Variants in LAMA2 observed in about 807,000 individuals in gnomAD.
The protein encoded by LAMA2 is laminin subunit alpha 2.
Under a neutral mutation model 364.8 loss-of-function variants are expected in LAMA2, and 269 were observed. The observed-to-expected ratio is 0.74, with a 90% CI of 0.67 to 0.82. The LOEUF is 0.82. Among genes scored for constraint, LAMA2 ranks in the 40% least tolerant of loss-of-function variants. The probability of loss-of-function intolerance (pLI) is 0.00; values close to 1 mark genes in which losing one functional copy is unlikely to be tolerated. For missense variants in LAMA2, 3,807 were observed against 3,873.2 expected (o/e 0.98, Z 0.45); for synonymous variants, 1,379 against 1,370.6 (o/e 1.01, Z -0.14).
At chr6:129,476,086 A>G (rs988550) in intron 53 of LAMA2, among the ~76,000 whole-genome samples, 63,087 of 152,004 alleles carry the variant, frequency 0.42, 13,276 homozygotes, top group African/African-American at 0.46. Flanking sequence ...TTAGCATAAA[A>G]GCTGTGAGCA....
At chr6:128,937,900 T>A (rs1013056086) in intron 1 of LAMA2, among the ~76,000 whole-genome samples, 1 of 152,128 alleles carries the variant, frequency 6.6e-6, no homozygotes, top group Non-Finnish European at 1.5e-5. Flanking sequence ...TCTTTTTTTT[T>A]AATATAGGCA....
chr6:129,121,650 T>C (rs1236135654), intron 4 of LAMA2, among the ~76,000 whole-genome samples: 1 of 152,144 alleles, frequency 6.6e-6, no homozygotes, highest in Non-Finnish European at 1.5e-5. Context: ...AAAAATAAAG[T>C]CATCTTGTTA....
chr6:129,507,246 G>C (rs561540092), intron 61 of LAMA2, among the ~76,000 whole-genome samples: 190 of 152,182 alleles, frequency 1.2e-3, no homozygotes, highest in African/African-American at 4.5e-3. Flanking sequence ...GCAGTATTTA[G>C]ACTATGAGAA....
At chr6:129,128,292 A>C (rs1008241625) in intron 4 of LAMA2, among the ~76,000 whole-genome samples, 1 of 152,236 alleles carries the variant, frequency 6.6e-6, no homozygotes, top group Non-Finnish European at 1.5e-5. Context: ...ATCTTTGTCA[A>C]AAATAAATTG....
Position 129,445,665 on chromosome 6 carries a change from A to C in LAMA2, c.6275-2A>C. Reference sequence around the variant, plus strand: ...CATGCACACTAATTTTGTTCTATGCAGTTGCCGATGCAGATGCCACTGTCA... The same window carrying C: ...CATGCACACTAATTTTGTTCTATGCCGTTGCCGATGCAGATGCCACTGTCA... On this transcript the variant is annotated splice_acceptor_variant, in intron 44 of 64. Coordinates refer to ENST00000421865, the MANE Select transcript of LAMA2 (RefSeq NM_000426.4). LOFTEE classifies it high-confidence loss of function. The C allele has an allele frequency of 6.2e-7, 1 of 1,613,834 alleles. No individual in the cohort carries two copies. The highest frequency in any genetic ancestry group is 8.5e-7 in the Non-Finnish European group (1 of 1,179,760).
chr6:129,506,673 TACA>T (rs1562634040), intron 61 of LAMA2, among the ~76,000 whole-genome samples: 1 of 152,148 alleles, frequency 6.6e-6, no homozygotes, highest in Non-Finnish European at 1.5e-5. Flanking sequence ...ACACACTAGA[TACA>T]AATGTGATAC....
chr6:129,291,896 T>C (rs1345289441), intron 20 of LAMA2, among the ~76,000 whole-genome samples, 176 bp downstream of exon 20: 1 of 152,084 alleles, frequency 6.6e-6, no homozygotes, highest in Non-Finnish European at 1.5e-5. Flanking sequence ...CAAAATTCAT[T>C]GTACATTACC....
At chr6:129,412,533 T>C (rs1214938924) in intron 40 of LAMA2, among the ~76,000 whole-genome samples, 1 of 151,282 alleles carries the variant, frequency 6.6e-6, no homozygotes, top group Non-Finnish European at 1.5e-5. Flanking sequence ...GGGAGGAGAA[T>C]TTTCAATCAA....
intron 41 of LAMA2, among the ~76,000 whole-genome samples, chr6:129,428,487 C>T (rs1413441687): frequency 6.6e-6 from 1 of 152,164 alleles, no homozygotes; most frequent in Non-Finnish European, 1.5e-5. Context: ...TGAAGTCTCG[C>T]TCTGTCAACC....
intron 4 of LAMA2, among the ~76,000 whole-genome samples, chr6:129,129,281 A>G (rs563801115): frequency 6.6e-6 from 1 of 152,356 alleles, no homozygotes; most frequent in South Asian, 2.1e-4. Flanking sequence ...GCACCCCAAA[A>G]TAATTATTTT....
At position 129,260,934 on chromosome 6, in the gene LAMA2, G is replaced by T. The variant is rs737515; in HGVS notation, c.2208+112G>T. 28,368 of 730,672 alleles carry T rather than the reference G, an allele frequency of 0.039. 1,494 individuals are homozygous for T. The highest frequency in any genetic ancestry group is 0.17 in the East Asian group (6,622 of 38,234). 45.3% of individuals were successfully genotyped at this position (730,672 alleles called of 1,614,324 possible). A position where few individuals can be genotyped will look rare whatever the true frequency, so the allele number is the denominator to read the frequency against. On this transcript the variant is annotated intron_variant, in intron 15 of 64. Transcript: ENST00000421865. The stretch of plus-strand genomic sequence containing the variant: ...TTCTATCAATAATTACACAAATAAT[G>T]TGTATCACTTAAAAACAAAACTTGA...
chr6:129,251,209 A>G (rs1260327703), intron 13 of LAMA2, among the ~76,000 whole-genome samples: 1 of 151,776 alleles, frequency 6.6e-6, no homozygotes. Context: ...GAACTAAGAC[A>G]AGAAGGATTA....
chr6:129,320,679 C>T, intron 28 of LAMA2, 24 bp downstream of exon 28: 2 of 1,294,344 alleles, frequency 1.5e-6, no homozygotes, highest in Non-Finnish European at 1.1e-6. Context: ...TACTAACCTG[C>T]TTAATCTCAA....
intron 3 of LAMA2, among the ~76,000 whole-genome samples, chr6:129,060,340 G>A (rs1009927098): frequency 4.6e-5 from 7 of 152,208 alleles, no homozygotes; most frequent in African/African-American, 1.7e-4. Context: ...AGAAAGTTTT[G>A]ACAGTTGCTT....
At chr6:129,461,245 C>T (rs923226852) in intron 49 of LAMA2, among the ~76,000 whole-genome samples, 11 of 151,996 alleles carry the variant, frequency 7.2e-5, no homozygotes, top group Admixed American at 1.3e-4. Context: ...GATATACATA[C>T]GTTTCTAGGA....
At chr6:129,085,000 T>C (rs9402102) in intron 3 of LAMA2, among the ~76,000 whole-genome samples, 144,502 of 152,250 alleles carry the variant, frequency 0.95, 68,641 homozygotes, top group East Asian at 0.97. Flanking sequence ...AAGATCTTCC[T>C]GCTTTACCAT....
At chr6:128,891,911 T>C (rs954859226) in intron 1 of LAMA2, among the ~76,000 whole-genome samples, 1 of 152,082 alleles carries the variant, frequency 6.6e-6, no homozygotes, top group African/African-American at 2.4e-5. Context: ...AGAAAACGTA[T>C]GGACTTAGGA....
At chr6:129,303,509 A>T (rs1183509377) in intron 22 of LAMA2, among the ~76,000 whole-genome samples, 7 of 152,158 alleles carry the variant, frequency 4.6e-5, no homozygotes, top group African/African-American at 1.2e-4. Context: ...AGTGGAAAGC[A>T]TTGTCTTTTA....
intron 37 of LAMA2, among the ~76,000 whole-genome samples, chr6:129,395,626 C>T (rs1023707762): frequency 6.6e-6 from 1 of 152,200 alleles, no homozygotes. Context: ...CTGATTACTT[C>T]AAGTAACTTG....
Sources: allele counts gnomAD v4.1 joint callset (sites outside exome capture counted in the v4.1 genomes callset), GRCh38; gene constraint gnomAD v4.1.1; transcripts MANE v1.5; gene names NCBI Gene and HGNC (gene_info 2026-07-23, HGNC 2026-07-21).